The following EFCAB5 variants were observed in gnomAD, a reference collection of about 807,000 sequenced individuals.
EFCAB5 encodes EF-hand calcium-binding domain-containing protein 5.
Under a neutral mutation model 167.9 loss-of-function variants are expected in EFCAB5, and 131 were observed. The observed-to-expected ratio is 0.78, with a 90% CI of 0.68 to 0.90. EFCAB5 has a LOEUF of 0.90. Among genes scored for constraint, EFCAB5 ranks in the 40% least tolerant of loss-of-function variants. The pLI is 0.00. For missense variants in EFCAB5, 1,663 were observed against 1,745.2 expected (o/e 0.95, Z 0.84); for synonymous variants, 574 against 602.8 (o/e 0.95, Z 0.70).
At chr17:29,946,584 C>T (rs981629680) in intron 3 of EFCAB5, among the ~76,000 whole-genome samples, 8 of 151,846 alleles carry the variant, frequency 5.3e-5, no homozygotes, top group Non-Finnish European at 1.2e-4. Context: ...CTTCAGGCAC[C>T]TGCCACCAAG....
intron 18 of EFCAB5, among the ~76,000 whole-genome samples, chr17:30,086,710 T>C (rs2071095608): frequency 6.6e-6 from 1 of 152,172 alleles, no homozygotes; most frequent in African/African-American, 2.4e-5. Context: ...CTGGTCAACA[T>C]GGTGAAACTC....
chr17:30,021,253 A>G (rs1320654115), intron 7 of EFCAB5, among the ~76,000 whole-genome samples: 1 of 150,656 alleles, frequency 6.6e-6, no homozygotes, highest in African/African-American at 2.4e-5. Context: ...TAATGAGTTT[A>G]TATAAGTACT....
rs569242466 is a variant in EFCAB5, at chr17:30,108,266, A to G, written c.*242A>G. ...AAGTATGTTATAGAATATATTTGAA[A>G]GCTTCCTTTCAGTTTGAGCTTTGTA... On this transcript the variant is annotated 3_prime_UTR_variant, in exon 23 of 23. Transcript: ENST00000394835. The G allele has an allele frequency of 1.8e-4, 60 of 337,092 alleles. No individual in the cohort carries two copies. The highest frequency in any genetic ancestry group is 1.2e-3 in the African/African-American group (54 of 45,294). 20.9% of individuals were successfully genotyped at this position (337,092 alleles called of 1,614,324 possible).
At chr17:30,064,845 C>T (rs2070518215) in intron 14 of EFCAB5, among the ~76,000 whole-genome samples, 1 of 152,086 alleles carries the variant, frequency 6.6e-6, no homozygotes, top group African/African-American at 2.4e-5. Context: ...CAGTGGAGTC[C>T]CCATTAGAAT....
At chr17:30,052,578 G>T in intron 9 of EFCAB5, among the ~76,000 whole-genome samples, 1 of 152,156 alleles carries the variant, frequency 6.6e-6, no homozygotes, top group Non-Finnish European at 1.5e-5. Context: ...CAATTTTATG[G>T]CTTACCACTA....
At chr17:29,988,656 C>T (rs1445602374) in intron 4 of EFCAB5, among the ~76,000 whole-genome samples, 1 of 152,120 alleles carries the variant, frequency 6.6e-6, no homozygotes, top group African/African-American at 2.4e-5. Flanking sequence ...ATGGGTTTTC[C>T]AAGTAAGACT....
intron 19 of EFCAB5, among the ~76,000 whole-genome samples, chr17:30,089,035 C>T (rs1277852011): frequency 1.3e-5 from 2 of 151,980 alleles, no homozygotes; most frequent in Non-Finnish European, 2.9e-5. Flanking sequence ...TGGTGTGCTG[C>T]GCCCGTTAAC....
At chr17:29,989,408 T>A (rs1353459943) in intron 4 of EFCAB5, among the ~76,000 whole-genome samples, 1 of 152,234 alleles carries the variant, frequency 6.6e-6, no homozygotes, top group African/African-American at 2.4e-5. Context: ...TGTTGGACTG[T>A]TTAACATGCC....
chr17:30,007,284 T>G (rs760903982), intron 7 of EFCAB5, among the ~76,000 whole-genome samples: 2 of 152,214 alleles, frequency 1.3e-5, no homozygotes, highest in Non-Finnish European at 2.9e-5. Context: ...TGTTACTTTG[T>G]CTGCTGTTGA....
chr17:30,101,246 G>A (rs1300959246), intron 22 of EFCAB5, among the ~76,000 whole-genome samples: 2 of 152,208 alleles, frequency 1.3e-5, no homozygotes, highest in Non-Finnish European at 2.9e-5. Flanking sequence ...ACACTTTGGA[G>A]GTCAAGAAGA....
intron 14 of EFCAB5, chr17:30,073,035 T>C: frequency 1.7e-6 from 1 of 592,670 alleles, no homozygotes; most frequent in East Asian, 3.0e-5. Flanking sequence ...GGCTCCTGTG[T>C]CCTCCCCTCC....
intron 1 of EFCAB5, among the ~76,000 whole-genome samples, chr17:29,932,258 C>T (rs9890535): frequency 6.7e-6 from 1 of 149,086 alleles, no homozygotes; most frequent in Non-Finnish European, 1.5e-5. Context: ...TCAAGCAATT[C>T]TCCTGCCTCA....
intron 7 of EFCAB5, among the ~76,000 whole-genome samples, chr17:30,030,234 T>C (rs901132773): frequency 3.9e-5 from 6 of 152,184 alleles, no homozygotes; most frequent in Non-Finnish European, 7.3e-5. Flanking sequence ...AATCAGAATA[T>C]GCTAACTCAG....
At chr17:30,099,997 C>T (rs930035135) in intron 22 of EFCAB5, among the ~76,000 whole-genome samples, 15 of 152,020 alleles carry the variant, frequency 9.9e-5, no homozygotes, top group Non-Finnish European at 2.2e-4. Flanking sequence ...ATTCAGTCTT[C>T]AAAATCCCTA....
At chr17:29,994,562 T>G (rs1436875595) in intron 5 of EFCAB5, among the ~76,000 whole-genome samples, 2 of 152,052 alleles carry the variant, frequency 1.3e-5, no homozygotes, top group African/African-American at 4.8e-5. Flanking sequence ...CTTCAAAAAG[T>G]GTGTGGAAAA....
chr17:30,020,606 C>T (rs1232851360), intron 7 of EFCAB5, among the ~76,000 whole-genome samples: 5 of 152,008 alleles, frequency 3.3e-5, no homozygotes, highest in Non-Finnish European at 5.9e-5. Flanking sequence ...CCACCCGCCT[C>T]GGCCTCCCTA....
upstream of EFCAB5, among the ~76,000 whole-genome samples, chr17:29,940,071 C>T (rs539384528): frequency 7.3e-6 from 1 of 137,450 alleles, no homozygotes; most frequent in East Asian, 2.3e-4. Context: ...CCTCACTGAA[C>T]TGGGAACTCT....
chr17:30,018,362 G>A (rs946907316), intron 7 of EFCAB5, among the ~76,000 whole-genome samples: 1 of 152,028 alleles, frequency 6.6e-6, no homozygotes, highest in Non-Finnish European at 1.5e-5. Flanking sequence ...TTAGCTTGAA[G>A]TTCATCCTCA....
upstream of EFCAB5, among the ~76,000 whole-genome samples, chr17:29,938,303 CT>C (rs1373578093): frequency 8.0e-6 from 1 of 125,770 alleles, no homozygotes; most frequent in Admixed American, 8.8e-5. Context: ...TTTAAAAATA[CT>C]TTTTTGCTAA....
Sources: allele counts gnomAD v4.1 joint callset (sites outside exome capture counted in the v4.1 genomes callset), GRCh38; gene constraint gnomAD v4.1.1; transcripts MANE v1.5; gene names NCBI Gene and HGNC (gene_info 2026-07-23, HGNC 2026-07-21).